The following RANBP2 variants were observed in gnomAD, a reference collection of about 807,000 sequenced individuals.
RANBP2 encodes the protein E3 SUMO-protein ligase RanBP2.
In RANBP2, 57 loss-of-function variants were observed where a neutral mutation model predicts 303.6. The ratio of observed to expected loss-of-function variants is 0.19; its 90% CI spans 0.15 to 0.23. RANBP2 has a LOEUF of 0.23. Among genes scored for constraint, RANBP2 ranks in the 10% least tolerant of loss-of-function variants. The pLI, the probability that RANBP2 is intolerant of heterozygous loss-of-function variation, is 1.00. For synonymous variants in RANBP2, 1,167 were observed against 1,301.5 expected, an observed-to-expected ratio of 0.90 and a Z score of 2.23; for missense variants, 3,138 against 3,780.8, an observed-to-expected ratio of 0.83 and a Z score of 4.46.
the RANBP2 span, among the ~76,000 whole-genome samples, chr2:109,257,974 C>T: frequency 6.7e-6 from 1 of 148,432 alleles, no homozygotes; most frequent in Non-Finnish European, 1.5e-5. Flanking sequence ...ATTTCTTTCC[C>T]TGCTTGATTG....
At chr2:109,138,102 G>A in the RANBP2 span, among the ~76,000 whole-genome samples, 7 of 152,152 alleles carry the variant, frequency 4.6e-5, no homozygotes, top group African/African-American at 1.2e-4. Flanking sequence ...TGCTACCTCC[G>A]CCTCCAGGGT....
the RANBP2 span, among the ~76,000 whole-genome samples, chr2:108,858,700 C>CT: frequency 4.6e-4 from 66 of 143,850 alleles, 1 homozygote; most frequent in East Asian, 2.2e-3. Flanking sequence ...CTATTTTTTT[C>CT]TTTTTTTTTT....
the RANBP2 span, among the ~76,000 whole-genome samples, chr2:109,440,678 A>T: frequency 2.0e-5 from 3 of 152,200 alleles, no homozygotes; most frequent in Non-Finnish European, 4.4e-5. Context: ...AAAAGGAGGC[A>T]GGTAACCAGG....
the RANBP2 span, among the ~76,000 whole-genome samples, chr2:108,918,447 G>T: frequency 6.6e-6 from 1 of 152,174 alleles, no homozygotes; most frequent in Non-Finnish European, 1.5e-5. Context: ...CCAACTGCGG[G>T]TCCATCTCCC....
chr2:109,263,147 C>T, the RANBP2 span, among the ~76,000 whole-genome samples: 10 of 152,190 alleles, frequency 6.6e-5, no homozygotes, highest in African/African-American at 2.4e-4. Flanking sequence ...CGCCCAGCCG[C>T]AATCACTTTG....
chr2:109,497,488 T>A, the RANBP2 span, among the ~76,000 whole-genome samples: 1 of 152,216 alleles, frequency 6.6e-6, no homozygotes, highest in South Asian at 2.1e-4. Flanking sequence ...TTGAGCCCTG[T>A]GTCTGAAAAT....
the RANBP2 span, among the ~76,000 whole-genome samples, chr2:108,790,897 G>T: frequency 1.3e-5 from 2 of 151,850 alleles, no homozygotes; most frequent in African/African-American, 4.8e-5. Context: ...GACTACAGAC[G>T]TGCACCACTA....
At chr2:109,652,315 C>T in the RANBP2 span, among the ~76,000 whole-genome samples, 3 of 152,186 alleles carry the variant, frequency 2.0e-5, no homozygotes, top group South Asian at 2.1e-4. Flanking sequence ...CTCCGCCTCC[C>T]AGGTTCACGC....
the RANBP2 span, among the ~76,000 whole-genome samples, chr2:109,477,213 C>T: frequency 6.6e-6 from 1 of 152,174 alleles, no homozygotes; most frequent in Non-Finnish European, 1.5e-5. Flanking sequence ...ACTGCACTGC[C>T]CCGGGTTGCA....
At chr2:109,579,946 C>T in the RANBP2 span, among the ~76,000 whole-genome samples, 1 of 151,494 alleles carries the variant, frequency 6.6e-6, no homozygotes, top group African/African-American at 2.4e-5. Flanking sequence ...CATGGTGAAA[C>T]CCTGTCTCTA....
At chr2:108,997,478 A>G in the RANBP2 span, among the ~76,000 whole-genome samples, 2 of 146,242 alleles carry the variant, frequency 1.4e-5, no homozygotes, top group East Asian at 4.3e-4. Flanking sequence ...ATGGTCAGTA[A>G]GGGTTTAGAA....
At chr2:109,191,172 C>T in the RANBP2 span, among the ~76,000 whole-genome samples, 8 of 151,964 alleles carry the variant, frequency 5.3e-5, no homozygotes, top group African/African-American at 1.7e-4. Flanking sequence ...TGCTATCAAC[C>T]GGGTAGGAGG....
At chr2:109,544,813 C>T in the RANBP2 span, 1 of 746,512 alleles carries the variant, frequency 1.3e-6, no homozygotes, top group African/African-American at 1.9e-5. Context: ...CTACTATGTA[C>T]CAGACAACTG....
chr2:109,488,813 G>A, the RANBP2 span, among the ~76,000 whole-genome samples: 1 of 152,312 alleles, frequency 6.6e-6, no homozygotes, highest in Non-Finnish European at 1.5e-5. Context: ...CAACCTCCAG[G>A]GCCTGGCACG....
chr2:109,408,216 A>G, the RANBP2 span, among the ~76,000 whole-genome samples: 1 of 152,150 alleles, frequency 6.6e-6, no homozygotes, highest in South Asian at 2.1e-4. Flanking sequence ...GGAGACTAGC[A>G]CACAGTCCAT....
chr2:108,719,530 C>G lies in RANBP2; in HGVS notation c.-77C>G, dbSNP rs1359503652. ...GCGCTGCGTCACTGGTTTGCAGGCG[C>G]TTTCCTCTTGGAAGTGGCGACTGCT... On this transcript the variant is annotated 5_prime_UTR_variant, in exon 1 of 29. Transcript: ENST00000283195. 1.9e-6 allele frequency: 3 copies of G among 1,553,132 alleles called. No individual in the cohort carries two copies. The highest frequency in any genetic ancestry group is 1.2e-5 in the South Asian group (1 of 84,442).
At chr2:108,790,045 C>CT (rs766337118), downstream of RANBP2, among the ~76,000 whole-genome samples, 3 of 152,044 alleles carry the variant, frequency 2.0e-5, no homozygotes, top group Non-Finnish European at 2.9e-5. Flanking sequence ...GGGAGCTTGA[C>CT]TTTTTTTAAT....
chr2:109,660,250 G>C, the RANBP2 span, among the ~76,000 whole-genome samples: 1 of 152,026 alleles, frequency 6.6e-6, no homozygotes, highest in African/African-American at 2.4e-5. Context: ...GCCTCTGATT[G>C]GTCACCTCCT....
the RANBP2 span, among the ~76,000 whole-genome samples, chr2:109,488,213 T>A: frequency 6.6e-6 from 1 of 152,126 alleles, no homozygotes; most frequent in Non-Finnish European, 1.5e-5. Flanking sequence ...CTGATGACAT[T>A]TGAGGCCAGA....
Sources: allele counts gnomAD v4.1 joint callset (sites outside exome capture counted in the v4.1 genomes callset), GRCh38; gene constraint gnomAD v4.1.1; transcripts MANE v1.5; gene names NCBI Gene and HGNC (gene_info 2026-07-23, HGNC 2026-07-21).